NTM: variants seen among roughly 807,000 people sequenced by gnomAD.
The protein encoded by NTM is IgLON family member 2.
NTM carries 13 observed loss-of-function variants against 42.1 expected under a neutral mutation model. That is an observed-to-expected ratio of 0.31 (90% CI 0.20 to 0.49). The LOEUF is 0.49. Ranked by LOEUF, NTM falls within the 20% of genes least tolerant of loss-of-function variation. The probability of loss-of-function intolerance (pLI) is 0.99; values close to 1 mark genes in which losing one functional copy is unlikely to be tolerated. For missense variants in NTM, 373 were observed against 452.8 expected (o/e 0.82, Z 1.60); for synonymous variants, 187 against 179.2 (o/e 1.04, Z -0.35).
At chr11:131,574,514 C>A (rs968518821) in intron 1 of NTM, among the ~76,000 whole-genome samples, 9 of 152,084 alleles carry the variant, frequency 5.9e-5, no homozygotes, top group Admixed American at 5.2e-4. Context: ...CACTGGGCTA[C>A]ACTGACACAC....
intron 1 of NTM, among the ~76,000 whole-genome samples, chr11:131,498,590 G>T (rs1020394806): frequency 7.2e-5 from 11 of 151,878 alleles, no homozygotes; most frequent in Non-Finnish European, 8.8e-5. Context: ...CATTACATCT[G>T]CTCTTTCCCT....
intron 2 of NTM, among the ~76,000 whole-genome samples, chr11:132,124,344 C>T (rs2065320771): frequency 6.6e-6 from 1 of 152,172 alleles, no homozygotes; most frequent in Admixed American, 6.5e-5. Context: ...TGTGAGTGCT[C>T]TCAGTCTGCA....
In NTM at chr11:132,225,224, C is replaced by T. The variant is rs561473965; in HGVS notation, c.526+13077C>T. Among the ~76,000 whole-genome samples the T allele has an allele frequency of 2.3e-4, 35 of 152,018 alleles. 1 individual carries two copies. The South Asian group carries it at 6.4e-3, about 28-fold the overall frequency. ...ATGGTGAATTCAGCCTTTGCCTCAT[C>T]GGGCTGCAGTATGGGAGTGTAGGCA... On this transcript the variant is annotated intron_variant, in intron 4 of 8. Coordinates refer to ENST00000683400, the MANE Select transcript of NTM (RefSeq NM_001352005.2).
chr11:131,674,966 T>C (rs2071109727), intron 1 of NTM, among the ~76,000 whole-genome samples: 2 of 152,242 alleles, frequency 1.3e-5, no homozygotes, highest in Admixed American at 1.3e-4. Flanking sequence ...GTGTGCCAGA[T>C]GGATTCCAAA....
At chr11:131,407,794 G>A (rs1348361056) in intron 1 of NTM, among the ~76,000 whole-genome samples, 4 of 152,220 alleles carry the variant, frequency 2.6e-5, no homozygotes, top group Non-Finnish European at 5.9e-5. Flanking sequence ...AGGGAGAGGA[G>A]ACGCTTCCTG....
At chr11:132,212,931 G>A (rs1294007255) in intron 4 of NTM, among the ~76,000 whole-genome samples, 2 of 151,124 alleles carry the variant, frequency 1.3e-5, no homozygotes, top group Admixed American at 6.6e-5. Flanking sequence ...TCACACTCAT[G>A]AACTCACATT....
chr11:132,198,934 G>C (rs1485000605), intron 3 of NTM, among the ~76,000 whole-genome samples: 2 of 152,170 alleles, frequency 1.3e-5, no homozygotes, highest in African/African-American at 4.8e-5. Flanking sequence ...TGGAAGACAA[G>C]GTGTGTTTAG....
At chr11:131,927,255 A>G (rs1470127518) in intron 2 of NTM, among the ~76,000 whole-genome samples, 1 of 124,568 alleles carries the variant, frequency 8.0e-6, no homozygotes, top group East Asian at 2.2e-4. Context: ...CACCAACTTT[A>G]TTAAGCATTC....
chr11:132,074,336 G>C (rs1284554985), intron 2 of NTM, among the ~76,000 whole-genome samples: 1 of 152,144 alleles, frequency 6.6e-6, no homozygotes, highest in African/African-American at 2.4e-5. Context: ...CAGGTGGGTG[G>C]GGAAACCTGC....
intron 1 of NTM, among the ~76,000 whole-genome samples, chr11:131,691,755 T>C (rs942284276): frequency 1.3e-5 from 2 of 152,136 alleles, no homozygotes; most frequent in African/African-American, 4.8e-5. Context: ...GGAGCGGGGC[T>C]GGGCTGGGCG....
At chr11:132,019,680 A>G (rs2074025382) in intron 2 of NTM, among the ~76,000 whole-genome samples, 2 of 152,012 alleles carry the variant, frequency 1.3e-5, no homozygotes, top group South Asian at 4.1e-4. Flanking sequence ...CATGGTATAT[A>G]TATTCATCCT....
intron 1 of NTM, among the ~76,000 whole-genome samples, chr11:131,545,061 C>G (rs1226888252): frequency 6.6e-6 from 1 of 152,178 alleles, no homozygotes; most frequent in Non-Finnish European, 1.5e-5. Context: ...CTATCACTGT[C>G]ACTGCAATTC....
intron 2 of NTM, among the ~76,000 whole-genome samples, chr11:132,089,576 T>G (rs1769842665): frequency 6.6e-6 from 1 of 152,246 alleles, no homozygotes; most frequent in African/African-American, 2.4e-5. Context: ...AAAGATGAAT[T>G]TTTTCATAAC....
chr11:131,895,017 G>A (rs12284553), intron 1 of NTM, among the ~76,000 whole-genome samples: 54,157 of 152,072 alleles, frequency 0.36, 10,985 homozygotes, highest in East Asian at 0.7. Flanking sequence ...CTTGCACACC[G>A]GGCAAGCCTG....
chr11:132,087,761 A>G (rs1483081039), intron 2 of NTM, among the ~76,000 whole-genome samples: 1 of 152,174 alleles, frequency 6.6e-6, no homozygotes, highest in Non-Finnish European at 1.5e-5. Context: ...GTGCTGGGCC[A>G]AGAAGACCTG....
chr11:131,959,654 C>T (rs557250924), intron 2 of NTM, among the ~76,000 whole-genome samples: 24 of 152,180 alleles, frequency 1.6e-4, no homozygotes, highest in Non-Finnish European at 2.4e-4. Context: ...TGTTTTCCTG[C>T]GGGTGAATAT....
intron 1 of NTM, among the ~76,000 whole-genome samples, chr11:131,414,365 T>C (rs991502273): frequency 2.0e-5 from 3 of 152,178 alleles, no homozygotes; most frequent in Admixed American, 6.5e-5. Context: ...GGCCTGCCCA[T>C]TGCTGAGCTT....
Position 132,213,827 on chromosome 11 carries a change from C to T in NTM, c.526+1680C>T, listed in dbSNP as rs1186023992. Among the ~76,000 whole-genome samples, 7 of 66,008 alleles carry T rather than the reference C, an allele frequency of 1.1e-4. 1 individual carries two copies. The highest frequency in any genetic ancestry group is 0.024 in the Middle Eastern group (2 of 84). The allele number at this position is 66,008 out of a possible 152,430, so 43.3% of individuals were successfully genotyped here. On this transcript the variant is annotated intron_variant, in intron 4 of 8. Coordinates refer to ENST00000683400, the MANE Select transcript of NTM (RefSeq NM_001352005.2). ...TCGGCTCACTGCAAGCTCCGCCTCC[C>T]GGGTTCACGCCATTCTCCCGCCTCA... is the stretch of plus-strand genomic sequence containing the variant.
At chr11:131,382,857 A>T (rs892422277) in intron 1 of NTM, among the ~76,000 whole-genome samples, 1 of 152,224 alleles carries the variant, frequency 6.6e-6, no homozygotes, top group Non-Finnish European at 1.5e-5. Context: ...ACTGTTACTT[A>T]GCAGATTTTG....
Sources: gnomAD v4.1 joint callset for allele counts (sites outside exome capture counted in the v4.1 genomes callset) on GRCh38, gnomAD v4.1.1 for gene constraint, MANE v1.5 for transcripts, NCBI Gene and HGNC (gene_info 2026-07-23, HGNC 2026-07-21) for gene names.